Variants in NSD3 observed in about 807,000 individuals in gnomAD.
The protein encoded by NSD3 is histone-lysine N-methyltransferase NSD3.
Under a neutral mutation model 160.8 loss-of-function variants are expected in NSD3, and 24 were observed. The observed-to-expected ratio is 0.15, with a 90% CI of 0.11 to 0.21. NSD3 has a LOEUF of 0.21. Among genes scored for constraint, NSD3 ranks in the 10% least tolerant of loss-of-function variants. NSD3 has a pLI of 1.00. For synonymous variants in NSD3, 520 were observed against 600.0 expected (o/e 0.87, Z 1.95); for missense variants, 1,157 against 1,735.9 (o/e 0.67, Z 5.93).
Position 38,357,389 on chromosome 8 carries a change from T to C in NSD3, c.-44-9174A>G, listed in dbSNP as rs959671686. Among the ~76,000 whole-genome samples the C allele has an allele frequency of 5.3e-5, 8 of 152,262 alleles. No individual in the cohort carries two copies. In the East Asian group the frequency reaches 1.4e-3, roughly 26 times the overall value. Reference sequence around the variant, plus strand: ...GGCCCTCCAAGCAAGGTCGCTAACCTACCTCTTCAACCTCAAGTCATTTTT... The same window carrying C: ...GGCCCTCCAAGCAAGGTCGCTAACCCACCTCTTCAACCTCAAGTCATTTTT... On this transcript the variant is annotated intron_variant, in intron 1 of 23. Coordinates refer to ENST00000317025, the MANE Select transcript of NSD3 (RefSeq NM_023034.2).
At chr8:38,370,380 A>AT (rs550018393) in intron 1 of NSD3, among the ~76,000 whole-genome samples, 2,651 of 137,376 alleles carry the variant, frequency 0.019, 24 homozygotes, top group East Asian at 0.038. Context: ...GTCCAGGAGA[A>AT]TTTTTTTTTT....
At chr8:38,340,903 C>G (rs946998315) in intron 2 of NSD3, among the ~76,000 whole-genome samples, 57 of 152,116 alleles carry the variant, frequency 3.7e-4, no homozygotes, top group African/African-American at 1.4e-3. Flanking sequence ...TGGTGTGGCT[C>G]ACACCTGTCA....
Position 38,315,921 on chromosome 8 carries a change from A to C in NSD3, c.1977T>G (p.Ser659Arg). 1 of 1,613,798 alleles carries C rather than the reference A, an allele frequency of 6.2e-7. No individual in the cohort carries two copies. The highest frequency in any genetic ancestry group is 8.5e-7 in the Non-Finnish European group (1 of 1,179,986). The change falls in exon 10 of 24, where the codon AGT becomes AGG. Residue 659 changes from serine to arginine, a missense_variant. By Grantham distance (110) the Ser-to-Arg change is moderately radical. This residue lies in a region of NSD3 where 437 missense variants were observed against 576.6 expected (regional missense o/e 0.76). Coordinates refer to ENST00000317025, the MANE Select transcript of NSD3 (RefSeq NM_023034.2). ...CCTTGCACATATTTACCTGCAGGTCACTCAGTCCTCTAGAATCGGAGTCAG... is the reference window on the plus strand; with the variant it reads ...CCTTGCACATATTTACCTGCAGGTCCCTCAGTCCTCTAGAATCGGAGTCAG... ...DTSDSDSRGL[S>R]DLQVGFGKQV...
At chr8:38,320,468 T>C (rs1298386331) in intron 8 of NSD3, 1 of 152,130 alleles carries the variant, frequency 6.6e-6, no homozygotes, top group Non-Finnish European at 1.5e-5. Flanking sequence ...ACTACATTGA[T>C]TACACTGGTT....
In NSD3 at chr8:38,279,701, G is replaced by T. The variant is rs942373182; in HGVS notation, c.3619-20C>A. 2.5e-6 allele frequency: 4 copies of T among 1,604,798 alleles called. No individual in the cohort carries two copies. The African/African-American group carries it at 4.0e-5, about 16-fold the overall frequency. On this transcript the variant is annotated intron_variant, in intron 20 of 23. Transcript: ENST00000317025. ...ACGGTCCTTCAGAAAGAAAAGAAAAGTACCTTTTACATAAATTAAGTCTCT... is the reference window on the plus strand; with the variant it reads ...ACGGTCCTTCAGAAAGAAAAGAAAATTACCTTTTACATAAATTAAGTCTCT...
At chr8:38,361,754 CAAAAAAAAA>C (rs756700150) in intron 1 of NSD3, among the ~76,000 whole-genome samples, 37 of 31,170 alleles carry the variant, frequency 1.2e-3, no homozygotes, top group African/African-American at 4.5e-3. Context: ...GACTCCGTCT[CAAAAAAAAA>C]AAAAAAAAAA....
chr8:38,279,476 C>T, intron 21 of NSD3, 64 bp downstream of exon 21: 3 of 1,572,134 alleles, frequency 1.9e-6, no homozygotes, highest in Non-Finnish European at 2.6e-6. Flanking sequence ...GAACCATGTC[C>T]TAGCTCTATA....
In NSD3 at chr8:38,329,540, C is replaced by T. The variant is rs772016578; in HGVS notation, c.1419G>A (p.Ala473=). 9 of 1,614,090 alleles carry T rather than the reference C, an allele frequency of 5.6e-6. No individual in the cohort carries two copies. The highest frequency in any genetic ancestry group is 1.3e-5 in the African/African-American group (1 of 74,924). The part of the protein sequence containing the change: ...PPPVKIAWKT[A]AARKSLPASI... The stretch of plus-strand genomic sequence containing the variant: ...AAGCTGGTAAGGATTTCCTTGCTGC[C>T]GCAGTTTTCCAGGCTATTTTAACAG... Residue 473 remains alanine (A), a synonymous_variant, in exon 6 of 24, where the codon GCG becomes GCA. Transcript: ENST00000317025. The surrounding 1 kb of genome is among the most constrained non-coding windows in gnomAD (Gnocchi z 4.8).
Position 38,326,740 on chromosome 8 carries a change from A to C in NSD3, c.1698T>G (p.Ser566=), listed in dbSNP as rs139675567. The C allele has an allele frequency of 6.2e-7, 1 of 1,613,332 alleles. No homozygotes were observed. Among genetic ancestry groups the C allele is most frequent in the African/African-American group, 1.3e-5 (1 of 74,902 alleles). ...TTCATTCATACCAACCTGTAGAACC[A>C]GATGTTGCTTCAGGAGATGATACAC... ...TQSVSSPEAT[S]GSTGSVEKKQ... Residue 566 remains serine (S), a synonymous_variant, in exon 7 of 24, where the codon TCT becomes TCG. Transcript: ENST00000317025.
At position 38,316,080 on chromosome 8, in the gene NSD3, C is replaced by T; in HGVS notation, c.1856-38G>A. 2 of 1,599,498 alleles carry T rather than the reference C, an allele frequency of 1.3e-6. No individual in the cohort carries two copies. The highest frequency in any genetic ancestry group is 1.7e-6 in the Non-Finnish European group (2 of 1,174,340). ...CACTGAAATTAATCCTAAAATAGTACTTAAGGTTTGTTTTAATTTTTTTGT... is the reference window on the plus strand; with the variant it reads ...CACTGAAATTAATCCTAAAATAGTATTTAAGGTTTGTTTTAATTTTTTTGT... On this transcript the variant is annotated intron_variant, in intron 9 of 23. Transcript: ENST00000317025. This position sits in a 1 kb window ranked among gnomAD's most constrained non-coding sequence, Gnocchi z 4.5.
At chr8:38,279,742 C>A in intron 20 of NSD3, 61 bp from the exon 21 acceptor site, 1 of 1,555,504 alleles carries the variant, frequency 6.4e-7, no homozygotes. Flanking sequence ...AAACATCCAA[C>A]TCAGTCAAGG....
At position 38,288,042 on chromosome 8, in the gene NSD3, T is replaced by G. The variant is rs1426259791; in HGVS notation, c.3501+445A>C. Among the ~76,000 whole-genome samples, 1 of 152,040 alleles carries G rather than the reference T, an allele frequency of 6.6e-6. No homozygotes were observed. The highest frequency in any genetic ancestry group is 1.5e-5 in the Non-Finnish European group (1 of 68,012). On this transcript the variant is annotated intron_variant, in intron 19 of 23. Transcript: ENST00000317025. The surrounding 1 kb of genome is among the most constrained non-coding windows in gnomAD (Gnocchi z 4.5). ...TGAGTCCAGGAGTTTGAGACCAGCC[T>G]GGGCAATGTAGTGAGACCCTATCCA...
At position 38,290,804 on chromosome 8, in the gene NSD3, A is replaced by G; in HGVS notation, c.2916-127T>C. Reference sequence around the variant, plus strand: ...TTTCATTCAGATTCTAAGAACATAAAATACCACACATCATTATAAAAAGTA... The same window carrying G: ...TTTCATTCAGATTCTAAGAACATAAGATACCACACATCATTATAAAAAGTA... On this transcript the variant is annotated intron_variant, in intron 16 of 23. Transcript: ENST00000317025. 3.9e-6 allele frequency: 3 copies of G among 768,868 alleles called. 1 individual carries two copies. Among genetic ancestry groups the G allele is most frequent in the South Asian group, 3.7e-5 (2 of 54,406 alleles). 47.6% of individuals were successfully genotyped at this position (768,868 alleles called of 1,614,324 possible). A position where few individuals can be genotyped will look rare whatever the true frequency, so the allele number is the denominator to read the frequency against.
At chr8:38,339,853 G>C (rs1447979675) in intron 2 of NSD3, among the ~76,000 whole-genome samples, 1 of 151,928 alleles carries the variant, frequency 6.6e-6, no homozygotes, top group Non-Finnish European at 1.5e-5. Flanking sequence ...TTATTCTATA[G>C]AAATATCCAA....
At chr8:38,294,468 A>C (rs1254507208) in intron 16 of NSD3, among the ~76,000 whole-genome samples, 1 of 152,170 alleles carries the variant, frequency 6.6e-6, no homozygotes, top group African/African-American at 2.4e-5. Flanking sequence ...AGTACTATTA[A>C]AATAATGGTA....
Position 38,321,098 on chromosome 8 carries a change from G to A in NSD3, c.1783C>T (p.Pro595Ser). ...TGCTCCTTTTTGATCTTCTTCTTTGGCACAACCTCAGTGGATTTCTCTGAT... is the reference window on the plus strand; with the variant it reads ...TGCTCCTTTTTGATCTTCTTCTTTGACACAACCTCAGTGGATTTCTCTGAT... The part of the protein sequence containing the change: ...SESEKSTEVV[P>S]KKKIKKEQVE... The change falls in exon 8 of 24, where the codon CCA becomes TCA. Residue 595 changes from proline (P) to serine (S), a missense_variant. This residue lies in a region of NSD3 where 102 missense variants were observed against 126.5 expected (regional missense o/e 0.81). Coordinates refer to ENST00000317025, the MANE Select transcript of NSD3 (RefSeq NM_023034.2). The surrounding 1 kb of genome is among the most constrained non-coding windows in gnomAD (Gnocchi z 4.7). 5.0e-6 allele frequency: 8 copies of A among 1,613,286 alleles called. No individual in the cohort carries two copies. The highest frequency in any genetic ancestry group is 6.8e-6 in the Non-Finnish European group (8 of 1,179,842).
In NSD3 at chr8:38,317,761, GA is replaced by G. The variant is rs373484177; in HGVS notation, c.1855+1133del. ...AAGCTGTACCCATCCAGCTCAAACCGAAAAAAAAAAATCATTTGACTGTTAA... is the reference window on the plus strand; with the variant it reads ...AAGCTGTACCCATCCAGCTCAAACCGAAAAAAAAAATCATTTGACTGTTAA... On this transcript the variant is annotated intron_variant, in intron 9 of 23. Transcript: ENST00000317025. The surrounding 1 kb of genome is among the most constrained non-coding windows in gnomAD (Gnocchi z 5.3). The G allele has an allele frequency of 7.2e-3, 8,373 of 1,167,618 alleles. No individual in the cohort carries two copies. The highest frequency in any genetic ancestry group is 0.02 in the East Asian group (563 of 28,500). 72.3% of individuals were successfully genotyped at this position (1,167,618 alleles called of 1,614,324 possible). A position where few individuals can be genotyped will look rare whatever the true frequency, so the allele number is the denominator to read the frequency against.
intron 1 of NSD3, among the ~76,000 whole-genome samples, chr8:38,374,856 T>A (rs1483886353): frequency 5.9e-5 from 9 of 151,342 alleles, no homozygotes; most frequent in Non-Finnish European, 1.0e-4. Context: ...TACAAAAAAT[T>A]AGCCGGGCGT....
At chr8:38,309,402 A>T (rs889474606) in intron 12 of NSD3, among the ~76,000 whole-genome samples, 9 of 152,192 alleles carry the variant, frequency 5.9e-5, no homozygotes, top group Admixed American at 3.3e-4. Flanking sequence ...TGGGAGGTGG[A>T]GGTTGCAGTG....
Sources: gnomAD v4.1 joint callset for allele counts (sites outside exome capture counted in the v4.1 genomes callset) on GRCh38, gnomAD v4.1.1 for gene constraint, gnomAD v4.1.1 regional missense constraint, Gnocchi (gnomAD v3.1) non-coding constraint, MANE v1.5 for transcripts, NCBI Gene and HGNC (gene_info 2026-07-23, HGNC 2026-07-21) for gene names.